The following RAG1 variants were observed in gnomAD, a reference collection of about 807,000 sequenced individuals.
The protein encoded by RAG1 is recombination activating 1.
In RAG1, 35 loss-of-function variants were observed where a neutral mutation model predicts 62.7. The observed-to-expected ratio is 0.56, with a 90% CI of 0.43 to 0.74. The LOEUF (loss-of-function observed/expected upper bound fraction) is 0.74, where lower values mean the gene tolerates loss of function less well. Ranked by LOEUF, RAG1 falls within the 30% of genes least tolerant of loss-of-function variation. The probability of loss-of-function intolerance (pLI) is 0.00; values close to 1 mark genes in which losing one functional copy is unlikely to be tolerated. For missense variants in RAG1, 1,169 were observed against 1,278.6 expected (o/e 0.91, Z 1.31); for synonymous variants, 461 against 470.3 (o/e 0.98, Z 0.26).
intron 1 of RAG1, among the ~76,000 whole-genome samples, chr11:36,515,100 G>C (rs772565304): frequency 6.6e-6 from 1 of 152,162 alleles, no homozygotes; most frequent in Non-Finnish European, 1.5e-5. Flanking sequence ...GCTGTTTTAA[G>C]GAGGTGACAC....
intron 3 of RAG1, among the ~76,000 whole-genome samples, chr11:36,549,208 C>A (rs1850445698): frequency 6.6e-6 from 1 of 152,164 alleles, no homozygotes; most frequent in East Asian, 1.9e-4. Context: ...AGGATATAGG[C>A]ATGGGCAAAG....
chr11:36,547,267 A>G (rs1850407940), intron 3 of RAG1, among the ~76,000 whole-genome samples: 1 of 152,230 alleles, frequency 6.6e-6, no homozygotes, highest in African/African-American at 2.4e-5. Context: ...AAGACAAGAA[A>G]TAACTAAGAT....
rs1860268024 is a variant in RAG1 at position 36,532,277 on chromosome 11, T to A, written n.429-3682T>A. Among the ~76,000 whole-genome samples the A allele has an allele frequency of 2.0e-5, 3 of 152,150 alleles. No individual in the cohort carries two copies. The South Asian group carries it at 6.2e-4, about 31-fold the overall frequency. ...TAATATTTTATGTGTTAATATTTTA[T>A]CTCTGTCATTCCAGTCTGTCTGGAA... On this transcript the variant is annotated intron_variant and non_coding_transcript_variant, in intron 2 of 2. Transcript: ENST00000529126.
rs749669514 is a variant in RAG1 at position 36,575,179 on chromosome 11, T to G, written c.1875T>G (p.Phe625Leu). 2.5e-6 allele frequency: 4 copies of G among 1,614,186 alleles called. No homozygotes were observed. The Middle Eastern group carries it at 6.6e-4, about 266-fold the overall frequency. ...TAGTTCCAGAAAAGGCAGTCCGTTT[T>G]TCATTCACAATCATGAAAATTACTA... ...GPVVPEKAVRFSFTIMKITIA... is the reference protein window; with the variant it reads ...GPVVPEKAVRLSFTIMKITIA... The change falls in exon 2 of 2, where the codon TTT becomes TTG. Residue 625 changes from phenylalanine to leucine, a missense_variant. Physicochemically the swap from Phe to Leu is conservative, Grantham distance 22. Around this residue, in one of 2 missense-constraint regions of RAG1, gnomAD observed 800 missense variants for 943.3 expected, o/e 0.85. Coordinates refer to ENST00000299440, the MANE Select transcript of RAG1 (RefSeq NM_000448.3). The surrounding 1 kb of genome is among the most constrained non-coding windows in gnomAD (Gnocchi z 4.1).
intron 1 of RAG1, among the ~76,000 whole-genome samples, chr11:36,572,257 C>A (rs1220846194): frequency 6.6e-6 from 1 of 152,160 alleles, no homozygotes; most frequent in Non-Finnish European, 1.5e-5. Flanking sequence ...CAATCATGTA[C>A]TAAGTAATTT....
rs1850883825 is a variant in RAG1 at position 36,578,405 on chromosome 11, T to TA, written c.*1971dup. On this transcript the variant is annotated 3_prime_UTR_variant, in exon 2 of 2. Transcript: ENST00000299440. ...GTTTTTTTGGAAATGAGTGGGCCAC[T>TA]AAGCCACACTTTCCCTTCATCCTGC... 1 of 166,352 alleles carries TA rather than the reference T, an allele frequency of 6.0e-6. No homozygotes were observed. Among genetic ancestry groups the TA allele is most frequent in the African/African-American group, 2.4e-5 (1 of 41,456 alleles). The allele number at this position is 166,352 out of a possible 1,614,324, so 10.3% of individuals were successfully genotyped here.
At chr11:36,566,101 G>A (rs1276972994), upstream of RAG1, among the ~76,000 whole-genome samples, 3 of 152,012 alleles carry the variant, frequency 2.0e-5, no homozygotes, top group Non-Finnish European at 4.4e-5. Context: ...GAGAGAGAGA[G>A]AAAGCTCCTC....
chr11:36,573,704 G>A lies in RAG1; in HGVS notation c.400G>A (p.Asp134Asn). 6.2e-7 allele frequency: 1 copy of A among 1,614,114 alleles called. No homozygotes were observed. The highest frequency in any genetic ancestry group is 8.5e-7 in the Non-Finnish European group (1 of 1,180,032). The change falls in exon 2 of 2, where the codon GAT becomes AAT. Residue 134 changes from aspartate (D) to asparagine (N), a missense_variant. Coordinates refer to ENST00000299440, the MANE Select transcript of RAG1 (RefSeq NM_000448.3). ...NRRYPVHGPVDGKTLGLLRKK... is the reference protein window; with the variant it reads ...NRRYPVHGPVNGKTLGLLRKK... ...GAGATATCCAGTCCATGGTCCTGTGGATGGTAAAACCCTAGGCCTTTTACG... is the reference window on the plus strand; with the variant it reads ...GAGATATCCAGTCCATGGTCCTGTGAATGGTAAAACCCTAGGCCTTTTACG...
At chr11:36,569,328 G>A (rs946492245) in intron 1 of RAG1, among the ~76,000 whole-genome samples, 7 of 152,232 alleles carry the variant, frequency 4.6e-5, no homozygotes, top group Non-Finnish European at 7.3e-5. Context: ...ACAGGGCTGA[G>A]CCAGCACCAA....
At chr11:36,571,641 G>A (rs1348197853) in intron 1 of RAG1, among the ~76,000 whole-genome samples, 2 of 152,140 alleles carry the variant, frequency 1.3e-5, no homozygotes, top group Non-Finnish European at 2.9e-5. Context: ...TTGAGACAGA[G>A]TCCTGCTCTG....
In RAG1 at chr11:36,574,777, G is replaced by A; in HGVS notation, c.1473G>A (p.Val491=). ...AGTACCACAAGATGTACAGGACTGT[G>A]AAAGCCATCACAGGGAGACAGATTT... ...CSQYHKMYRT[V]KAITGRQIFQ... The change falls in exon 2 of 2, where the codon GTG becomes GTA. Residue 491 remains valine, a synonymous_variant. Transcript: ENST00000299440. 1 of 1,614,256 alleles carries A rather than the reference G, an allele frequency of 6.2e-7. No individual in the cohort carries two copies. The highest frequency in any genetic ancestry group is 8.5e-7 in the Non-Finnish European group (1 of 1,180,048).
chr11:36,529,850 TG>T (rs1367545583), intron 2 of RAG1, among the ~76,000 whole-genome samples: 1 of 152,030 alleles, frequency 6.6e-6, no homozygotes, highest in East Asian at 1.9e-4. Flanking sequence ...GAATTGGGAA[TG>T]GTTTTTTTTT....
At chr11:36,558,938 G>A (rs544210169) in intron 3 of RAG1, among the ~76,000 whole-genome samples, 4 of 152,154 alleles carry the variant, frequency 2.6e-5, no homozygotes, top group African/African-American at 9.6e-5. Flanking sequence ...TCTACTAGTG[G>A]GTTCTATACT....
rs549722286 is a variant in RAG1, at chr11:36,578,528, C to A, written c.*2092C>A. ...GTCATGCTGGTTTATAGATTTTTTA[C>A]CCATTTCTACTCTTTTTCTCTATTG... On this transcript the variant is annotated 3_prime_UTR_variant, in exon 2 of 2. Transcript: ENST00000299440. 6.0e-6 allele frequency: 1 copy of A among 166,794 alleles called. No homozygotes were observed. Among genetic ancestry groups the A allele is most frequent in the African/African-American group, 2.4e-5 (1 of 41,410 alleles). The allele number at this position is 166,794 out of a possible 1,614,324, so 10.3% of individuals were successfully genotyped here.
At chr11:36,547,919 T>A (rs1439759214) in intron 3 of RAG1, among the ~76,000 whole-genome samples, 1 of 152,176 alleles carries the variant, frequency 6.6e-6, no homozygotes, top group African/African-American at 2.4e-5. Context: ...TCAAAAAGCT[T>A]ATTCACCATG....
chr11:36,531,060 GT>G (rs35275143), intron 2 of RAG1, among the ~76,000 whole-genome samples: 146,843 of 151,610 alleles, frequency 0.97, 71,152 homozygotes, highest in Non-Finnish European at 0.98. Flanking sequence ...TAGATTAAGG[GT>G]TTTTTTTTGC....
upstream of RAG1, among the ~76,000 whole-genome samples, chr11:36,567,830 G>C (rs1251287526): frequency 6.6e-6 from 1 of 152,066 alleles, no homozygotes; most frequent in South Asian, 2.1e-4. Context: ...GCAAACTCTC[G>C]CACATGGTTC....
chr11:36,519,956 C>A (rs1860052574), intron 1 of RAG1, among the ~76,000 whole-genome samples: 1 of 152,144 alleles, frequency 6.6e-6, no homozygotes, highest in Non-Finnish European at 1.5e-5. Context: ...CTGAAATAGC[C>A]ACCGTGATTG....
At chr11:36,546,862 C>A (rs759511004) in intron 3 of RAG1, among the ~76,000 whole-genome samples, 3 of 151,992 alleles carry the variant, frequency 2.0e-5, no homozygotes, top group Non-Finnish European at 2.9e-5. Context: ...TTTGAAAATT[C>A]TTTTCTTTAA....
Sources: allele counts gnomAD v4.1 joint callset (sites outside exome capture counted in the v4.1 genomes callset), GRCh38; gene constraint gnomAD v4.1.1; regional missense constraint gnomAD v4.1.1; non-coding constraint Gnocchi (gnomAD v3.1); transcripts MANE v1.5; gene names NCBI Gene and HGNC (gene_info 2026-07-23, HGNC 2026-07-21).